The following COG2 variants were observed in gnomAD, a reference collection of about 807,000 sequenced individuals.
COG2 encodes component of oligomeric golgi complex 2, also known as conserved oligomeric Golgi complex subunit 2.
A neutral mutation model predicts 90.6 loss-of-function variants in COG2; 52 were observed. The ratio of observed to expected loss-of-function variants is 0.57; its 90% CI spans 0.46 to 0.72. The LOEUF is 0.72. COG2 is among the 30% of genes least tolerant of loss of function. The pLI is 0.00. For missense variants in COG2, 829 were observed against 891.2 expected (o/e 0.93, Z 0.89); for synonymous variants, 337 against 320.4 (o/e 1.05, Z -0.55).
chr1:230,650,013 G>A (rs1661874405), intron 1 of COG2, among the ~76,000 whole-genome samples: 1 of 152,168 alleles, frequency 6.6e-6, no homozygotes, highest in Admixed American at 6.5e-5. Flanking sequence ...TTAGGATAAT[G>A]ACCTCCAGCT....
At chr1:230,644,717 G>T (rs544300851) in intron 1 of COG2, among the ~76,000 whole-genome samples, 1 of 152,228 alleles carries the variant, frequency 6.6e-6, no homozygotes, top group African/African-American at 2.4e-5. Context: ...ATCACCTGCT[G>T]TGTGCAGGTT....
At chr1:230,658,687 GA>G (rs1323871229) in intron 1 of COG2, among the ~76,000 whole-genome samples, 2 of 152,152 alleles carry the variant, frequency 1.3e-5, no homozygotes, top group Admixed American at 1.3e-4. Flanking sequence ...GTCCCACGGG[GA>G]TGGGGGTTTT....
chr1:230,645,036 T>A (rs1400618298), intron 1 of COG2, among the ~76,000 whole-genome samples: 1 of 151,940 alleles, frequency 6.6e-6, no homozygotes, highest in East Asian at 1.9e-4. Context: ...TAATAAAATA[T>A]ACACACTGAG....
At chr1:230,671,282 T>C (rs527439261) in intron 7 of COG2, 1 of 264,528 alleles carries the variant, frequency 3.8e-6, no homozygotes, top group Non-Finnish European at 7.1e-6. Flanking sequence ...CAGATGAGAG[T>C]GCATGGTTTG....
rs764421729 is a variant in COG2, at chr1:230,671,605, C to T, written c.864C>T (p.Arg288=). 1.9e-6 allele frequency: 3 copies of T among 1,613,678 alleles called. No homozygotes were observed. The highest frequency in any genetic ancestry group is 1.3e-5 in the African/African-American group (1 of 74,866). ...KLLEFVPHHC[R]LLREVTGGAI... ...TGGAGTTTGTTCCTCACCATTGCCG[C>T]CTTCTTCGAGAAGTCACAGGAGGTG... The change falls in exon 8 of 18, where the codon CGC becomes CGT. Residue 288 remains arginine (R), a synonymous_variant. Coordinates refer to ENST00000366669, the MANE Select transcript of COG2 (RefSeq NM_007357.3).
Position 230,690,170 on chromosome 1 carries a change from C to G in COG2, c.1934+17C>G, listed in dbSNP as rs969151291. On this transcript the variant is annotated intron_variant, in intron 16 of 17. Coordinates refer to ENST00000366669, the MANE Select transcript of COG2 (RefSeq NM_007357.3). Reference sequence around the variant, plus strand: ...CACTCATAAGTAAGTAAATTAAAAGCAGACCTTGTGGGCCTTGCTTAGAAG... The same window carrying G: ...CACTCATAAGTAAGTAAATTAAAAGGAGACCTTGTGGGCCTTGCTTAGAAG... The G allele has an allele frequency of 6.2e-6, 10 of 1,608,898 alleles. No individual in the cohort carries two copies. In the African/African-American group the frequency reaches 1.1e-4, roughly 17 times the overall value.
intron 1 of COG2, among the ~76,000 whole-genome samples, chr1:230,654,670 T>C (rs564130705): frequency 1.3e-5 from 2 of 152,352 alleles, no homozygotes; most frequent in East Asian, 3.9e-4. Flanking sequence ...GCATTGAATC[T>C]GTAAATTACT....
intron 1 of COG2, 42 bp downstream of exon 1, chr1:230,642,720 G>A: frequency 1.3e-6 from 2 of 1,587,462 alleles, no homozygotes; most frequent in Non-Finnish European, 1.7e-6. Context: ...CCATGAGGGT[G>A]CCTCTGCCCT....
At chr1:230,656,014 G>T (rs755175050) in intron 1 of COG2, among the ~76,000 whole-genome samples, 2 of 152,062 alleles carry the variant, frequency 1.3e-5, no homozygotes, top group Admixed American at 6.5e-5. Flanking sequence ...CTGGCTAGAG[G>T]TCTATCTATT....
rs5781595 is a variant in COG2, at chr1:230,683,409, TAA to T, written c.1167-146_1167-145del. ...GCTTAGTCACGATTTCTTGTTCAGT[TAA>T]AAAAAAAAAAAAAAAAAAGCCTGGG... On this transcript the variant is annotated intron_variant, in intron 10 of 17. Coordinates refer to ENST00000366669, the MANE Select transcript of COG2 (RefSeq NM_007357.3). The T allele has an allele frequency of 0.19, 74,550 of 382,928 alleles. 211 individuals are homozygous for T. The highest frequency in any genetic ancestry group is 0.24 in the Middle Eastern group (312 of 1,298). 23.7% of individuals were successfully genotyped at this position (382,928 alleles called of 1,614,324 possible). A position where few individuals can be genotyped will look rare whatever the true frequency, so the allele number is the denominator to read the frequency against.
rs1558271393 is a variant in COG2, at chr1:230,663,129, T to G, written c.301-12T>G. ...CAATCTCTGCAGTACTTTTTTTTTTTGTCTTTTAAAGAGCCTTAGATCGTC... is the reference window on the plus strand; with the variant it reads ...CAATCTCTGCAGTACTTTTTTTTTTGGTCTTTTAAAGAGCCTTAGATCGTC... On this transcript the variant is annotated splice_polypyrimidine_tract_variant and intron_variant, in intron 3 of 17. Coordinates refer to ENST00000366669, the MANE Select transcript of COG2 (RefSeq NM_007357.3). The G allele has an allele frequency of 1.9e-6, 3 of 1,586,286 alleles. No homozygotes were observed. Among genetic ancestry groups the G allele is most frequent in the Non-Finnish European group, 1.7e-6 (2 of 1,170,036 alleles).
intron 1 of COG2, among the ~76,000 whole-genome samples, chr1:230,644,880 G>C (rs893692592): frequency 6.6e-6 from 1 of 152,164 alleles, no homozygotes; most frequent in East Asian, 1.9e-4. Flanking sequence ...AGTTATTTCA[G>C]TGGTTTTTAT....
At position 230,642,535 on chromosome 1, in the gene COG2, G is replaced by A. The variant is rs935676543; in HGVS notation, c.-72G>A. On this transcript the variant is annotated 5_prime_UTR_variant, in exon 1 of 18. Transcript: ENST00000366669. Reference sequence around the variant, plus strand: ...GTGGAAACTGGCGGTGGCCGCGGCCGCCGAGTCGGTCTGCGCAGCCTCCTG... The same window carrying A: ...GTGGAAACTGGCGGTGGCCGCGGCCACCGAGTCGGTCTGCGCAGCCTCCTG... 1 of 1,478,438 alleles carries A rather than the reference G, an allele frequency of 6.8e-7. No individual in the cohort carries two copies. The highest frequency in any genetic ancestry group is 1.4e-5 in the African/African-American group (1 of 71,808). The allele number at this position is 1,478,438 out of a possible 1,614,324, so 91.6% of individuals were successfully genotyped here. A position where few individuals can be genotyped will look rare whatever the true frequency, so the allele number is the denominator to read the frequency against.
In COG2 at chr1:230,686,863, A is replaced by G. The variant is rs1327496745; in HGVS notation, c.1381-72A>G. Reference sequence around the variant, plus strand: ...ATTTAATGGTGAGTTATTGACGCGCACATATGTAATATATAAATGCTCATG... The same window carrying G: ...ATTTAATGGTGAGTTATTGACGCGCGCATATGTAATATATAAATGCTCATG... On this transcript the variant is annotated intron_variant, in intron 12 of 17. Transcript: ENST00000366669. 25 of 951,236 alleles carry G rather than the reference A, an allele frequency of 2.6e-5. 1 individual carries two copies. Among genetic ancestry groups the G allele is most frequent in the Non-Finnish European group, 3.8e-5 (25 of 653,652 alleles). The allele number at this position is 951,236 out of a possible 1,614,324, so 58.9% of individuals were successfully genotyped here.
At chr1:230,649,271 C>T (rs762889893) in intron 1 of COG2, among the ~76,000 whole-genome samples, 2 of 152,136 alleles carry the variant, frequency 1.3e-5, no homozygotes, top group Non-Finnish European at 2.9e-5. Context: ...TTGGAAGACA[C>T]GAGTTCCAGA....
At chr1:230,664,938 G>C (rs185140918) in intron 5 of COG2, among the ~76,000 whole-genome samples, 2 of 152,294 alleles carry the variant, frequency 1.3e-5, no homozygotes, top group Admixed American at 1.3e-4. Context: ...GACAGGCCCA[G>C]AGTATTCCAG....
chr1:230,679,208 T>TA, intron 10 of COG2, 156 bp downstream of exon 10: 1 of 679,916 alleles, frequency 1.5e-6, no homozygotes, highest in Non-Finnish European at 2.3e-6. Context: ...ATATAAGAAG[T>TA]ATTATGGTTG....
At chr1:230,661,080 GAGA>G (rs968151085) in intron 3 of COG2, among the ~76,000 whole-genome samples, 1 of 152,092 alleles carries the variant, frequency 6.6e-6, no homozygotes, top group African/African-American at 2.4e-5. Flanking sequence ...GTTGGGGGAG[GAGA>G]AGAAGGCTAT....
In COG2 at chr1:230,679,081, C is replaced by T. The variant is rs41307686; in HGVS notation, c.1166+29C>T. On this transcript the variant is annotated intron_variant, in intron 10 of 17. Coordinates refer to ENST00000366669, the MANE Select transcript of COG2 (RefSeq NM_007357.3). ...GGTCATCTATTCACCGCCCCCGCCC[C>T]GCACCCTTCTAAAACAGAATTGGAA... 2.0e-4 allele frequency: 316 copies of T among 1,593,578 alleles called. 3 individuals carry two copies. Among genetic ancestry groups the T allele is most frequent in the African/African-American group, 1.4e-3 (101 of 74,290 alleles).
Sources: allele counts gnomAD v4.1 joint callset (sites outside exome capture counted in the v4.1 genomes callset), GRCh38; gene constraint gnomAD v4.1.1; transcripts MANE v1.5; gene names NCBI Gene and HGNC (gene_info 2026-07-23, HGNC 2026-07-21).